The following ANKRD11 variants were observed in gnomAD, a reference collection of about 807,000 sequenced individuals.
ANKRD11 encodes the protein ankyrin repeat domain-containing protein 11.
A neutral mutation model predicts 195.7 loss-of-function variants in ANKRD11; 17 were observed. That is an observed-to-expected ratio of 0.09 (90% confidence interval 0.06 to 0.13). The LOEUF (loss-of-function observed/expected upper bound fraction) is 0.13, where lower values mean the gene tolerates loss of function less well. Among genes scored for constraint, ANKRD11 ranks in the 10% least tolerant of loss-of-function variants. The probability of loss-of-function intolerance (pLI) is 1.00; values close to 1 mark genes in which losing one functional copy is unlikely to be tolerated. For missense variants in ANKRD11, 3,735 were observed against 3,566.1 expected (o/e 1.05, Z -1.21); for synonymous variants, 1,953 against 1,528.1 (o/e 1.28, Z -6.49).
intron 12 of ANKRD11, among the ~76,000 whole-genome samples, chr16:89,269,418 C>T (rs777725304): frequency 7.2e-5 from 11 of 152,066 alleles, no homozygotes; most frequent in Admixed American, 3.3e-4. Context: ...AAATCGTTTT[C>T]GAAGCTCAGG....
intron 2 of ANKRD11, among the ~76,000 whole-genome samples, chr16:89,407,002 T>C (rs148671414): frequency 0.014 from 2,152 of 151,954 alleles, 58 homozygotes; most frequent in African/African-American, 0.049. Flanking sequence ...CTGGACAATA[T>C]GGTGAAACCC....
At position 89,310,210 on chromosome 16, in the gene ANKRD11, G is replaced by C. The variant is rs548750938; in HGVS notation, c.88-4866C>G. Among the ~76,000 whole-genome samples, 40 of 152,198 alleles carry C rather than the reference G, an allele frequency of 2.6e-4. No individual in the cohort carries two copies. The South Asian group carries it at 8.1e-3, about 31-fold the overall frequency. ...CTTGGTATCCAAACTGTCTATGTGCGGGGTCCGCCTGTGTGTGGGGTGCGG... is the reference window on the plus strand; with the variant it reads ...CTTGGTATCCAAACTGTCTATGTGCCGGGTCCGCCTGTGTGTGGGGTGCGG... On this transcript the variant is annotated intron_variant, in intron 3 of 12. Coordinates refer to ENST00000301030, the MANE Select transcript of ANKRD11 (RefSeq NM_013275.6).
chr16:89,393,644 G>C (rs530033090), intron 2 of ANKRD11, among the ~76,000 whole-genome samples: 3 of 152,030 alleles, frequency 2.0e-5, no homozygotes, highest in Non-Finnish European at 2.9e-5. Context: ...GCCCGGCCTA[G>C]TTTCCTCTTA....
chr16:89,455,735 C>G (rs1428091629), intron 1 of ANKRD11, among the ~76,000 whole-genome samples: 1 of 152,152 alleles, frequency 6.6e-6, no homozygotes, highest in African/African-American at 2.4e-5. Flanking sequence ...GTGCCGCAGA[C>G]TCAATTCTCA....
rs917932000 is a variant in ANKRD11 at position 89,283,467 on chromosome 16, T to C, written c.3075A>G (p.Pro1025=). 1 of 1,614,108 alleles carries C rather than the reference T, an allele frequency of 6.2e-7. No individual in the cohort carries two copies. The highest frequency in any genetic ancestry group is 1.7e-5 in the Admixed American group (1 of 60,018). ...PDKERKEKTK[P]ERYKEKSSDK... is the part of the protein sequence containing the mutation. ...CACTGGATTTCTCTTTGTATCTTTC[T>C]GGTTTTGTCTTCTCCTTCCTTTCCT... The change falls in exon 9 of 13, where the codon CCA becomes CCG. Residue 1025 remains proline, a synonymous_variant. Transcript: ENST00000301030. This position sits in a 1 kb window ranked among gnomAD's most constrained non-coding sequence, Gnocchi z 4.3.
At chr16:89,276,233 G>A (rs140577374) in intron 9 of ANKRD11, among the ~76,000 whole-genome samples, 97 of 152,332 alleles carry the variant, frequency 6.4e-4, no homozygotes, top group African/African-American at 2.2e-3. Context: ...ACCTGCAGGC[G>A]GAAGGGGTGG....
chr16:89,284,595 G>T lies in ANKRD11; in HGVS notation c.1947C>A (p.Ser649Arg), dbSNP rs1190427532. 6.2e-7 allele frequency: 1 copy of T among 1,614,086 alleles called. No homozygotes were observed. The highest frequency in any genetic ancestry group is 1.1e-5 in the South Asian group (1 of 91,080). Residue 649 changes from serine to arginine, a missense_variant, in exon 9 of 13, where the codon AGC becomes AGA. Transcript: ENST00000301030. ...KNKEKGQCSI[S>R]QELKLKSFTY... Reference sequence around the variant, plus strand: ...TAAAACTTTTCAACTTCAGCTCTTGGCTGATGGAACACTGTCCCTTCTCCT... The same window carrying T: ...TAAAACTTTTCAACTTCAGCTCTTGTCTGATGGAACACTGTCCCTTCTCCT...
intron 4 of ANKRD11, among the ~76,000 whole-genome samples, chr16:89,302,445 G>T (rs1250937896): frequency 1.3e-5 from 2 of 152,146 alleles, no homozygotes; most frequent in African/African-American, 2.4e-5. Flanking sequence ...TAGCGACAGG[G>T]TTTCTTCATG....
chr16:89,361,912 G>A (rs2039748930), intron 2 of ANKRD11, among the ~76,000 whole-genome samples: 1 of 152,238 alleles, frequency 6.6e-6, no homozygotes, highest in African/African-American at 2.4e-5. Flanking sequence ...GTAAAGGTCA[G>A]ACGGGGCAGC....
intron 1 of ANKRD11, among the ~76,000 whole-genome samples, chr16:89,466,411 G>C (rs74033802): frequency 0.027 from 4,092 of 152,242 alleles, 183 homozygotes; most frequent in African/African-American, 0.092. Flanking sequence ...GAATGTGACA[G>C]TGGTGATGGG....
intron 1 of ANKRD11, among the ~76,000 whole-genome samples, chr16:89,462,363 A>G (rs1335669839): frequency 6.6e-6 from 1 of 152,022 alleles, no homozygotes; most frequent in Admixed American, 6.5e-5. Context: ...AGTCTCGTTC[A>G]CTCAGTGCTC....
chr16:89,388,292 G>GGTTTTTTTTTT (rs1567734637), intron 2 of ANKRD11, among the ~76,000 whole-genome samples: 1 of 61,052 alleles, frequency 1.6e-5, no homozygotes, highest in South Asian at 5.1e-4. Flanking sequence ...CCATGAGGCT[G>GGTTTTTTTTTT]ATTTTTTTTT....
At chr16:89,276,304 G>A (rs965775319) in intron 9 of ANKRD11, among the ~76,000 whole-genome samples, 6 of 152,212 alleles carry the variant, frequency 3.9e-5, no homozygotes, top group Non-Finnish European at 8.8e-5. Context: ...CAGCGCACAG[G>A]AGTGACTGCT....
chr16:89,485,419 G>A (rs578090623), intron 1 of ANKRD11, among the ~76,000 whole-genome samples: 2 of 151,952 alleles, frequency 1.3e-5, no homozygotes, highest in African/African-American at 4.8e-5. Context: ...ACTTGAATCC[G>A]GGAGGCAGAG....
Position 89,300,215 on chromosome 16 carries a change from G to C in ANKRD11, c.226+4991C>G, listed in dbSNP as rs144556443. The C allele has an allele frequency of 5.0e-3, 1,138 of 229,460 alleles. 4 individuals are homozygous for C. The highest frequency in any genetic ancestry group is 0.025 in the African/African-American group (1,053 of 41,678). 14.2% of individuals were successfully genotyped at this position (229,460 alleles called of 1,614,324 possible). A position where few individuals can be genotyped will look rare whatever the true frequency, so the allele number is the denominator to read the frequency against. On this transcript the variant is annotated intron_variant, in intron 4 of 12. Transcript: ENST00000301030. ...GCCTGCCCTGTGTGGGGTGTGTGGG[G>C]TCTGTGCCCTGTGTGGGGTGCCTGA...
At chr16:89,380,793 T>C (rs1272526342) in intron 2 of ANKRD11, among the ~76,000 whole-genome samples, 1 of 152,230 alleles carries the variant, frequency 6.6e-6, no homozygotes, top group Non-Finnish European at 1.5e-5. Context: ...CAGGGCTGCG[T>C]AACCACCACG....
chr16:89,443,270 T>C (rs930162516), intron 1 of ANKRD11: 6 of 152,168 alleles, frequency 3.9e-5, no homozygotes, highest in African/African-American at 1.2e-4. Flanking sequence ...CGGCCTCAAA[T>C]GTGAAGTATT....
chr16:89,432,998 T>TCACACACA (rs142049824), intron 1 of ANKRD11, among the ~76,000 whole-genome samples: 3 of 140,088 alleles, frequency 2.1e-5, no homozygotes, highest in African/African-American at 8.2e-5. Flanking sequence ...CTCCTCTCTC[T>TCACACACA]CACACACACA....
At chr16:89,488,440 G>GCCC (rs145630401) in intron 1 of ANKRD11, among the ~76,000 whole-genome samples, 294 of 144,908 alleles carry the variant, frequency 2.0e-3, no homozygotes, top group African/African-American at 5.0e-3. Flanking sequence ...CAAGACATCC[G>GCCC]CCCCCCCCCC....
Sources: gnomAD v4.1 joint callset for allele counts (sites outside exome capture counted in the v4.1 genomes callset) on GRCh38, gnomAD v4.1.1 for gene constraint, Gnocchi (gnomAD v3.1) non-coding constraint, MANE v1.5 for transcripts, NCBI Gene and HGNC (gene_info 2026-07-23, HGNC 2026-07-21) for gene names.